The following MEMO1 variants were observed in gnomAD, a reference collection of about 807,000 sequenced individuals.
MEMO1 encodes mediator of cell motility 1.
In MEMO1, 6 loss-of-function variants were observed where a neutral mutation model predicts 45.2. The observed-to-expected ratio is 0.13, with a 90% confidence interval of 0.07 to 0.26. The LOEUF (loss-of-function observed/expected upper bound fraction) is 0.26. Ranked by LOEUF, MEMO1 falls within the 10% of genes least tolerant of loss-of-function variation. The pLI is 1.00. For synonymous variants in MEMO1, 78 were observed against 124.3 expected (o/e 0.63, Z 2.48); for missense variants, 184 against 370.5 (o/e 0.50, Z 4.13).
intron 4 of MEMO1, among the ~76,000 whole-genome samples, chr2:31,930,658 T>A (rs7600278): frequency 0.98 from 149,354 of 151,792 alleles, 73,491 homozygotes; most frequent in East Asian, 1. Flanking sequence ...ATATATATAT[T>A]TTTTTTGAAA....
Position 31,895,837 on chromosome 2 carries a change from CTTT to C in MEMO1, c.438-3706_438-3704del, listed in dbSNP as rs71412853. ...TGAAAACAAAACACAAGAAAAAAATCTTTTTTTTTTTTTTTTTTTTTTTTTGAG... is the reference window on the plus strand; with the variant it reads ...TGAAAACAAAACACAAGAAAAAAATCTTTTTTTTTTTTTTTTTTTTTTGAG... On this transcript the variant is annotated intron_variant, in intron 6 of 9. Coordinates refer to ENST00000404530, the MANE Select transcript of MEMO1 (RefSeq NM_001301833.4). Among the ~76,000 whole-genome samples the C allele has an allele frequency of 1.8e-3, 156 of 84,698 alleles. 1 individual carries two copies. The South Asian group carries it at 0.039, about 21-fold the overall frequency. 55.6% of individuals were successfully genotyped at this position (84,698 alleles called of 152,430 possible).
intron 2 of MEMO1, among the ~76,000 whole-genome samples, chr2:31,980,514 T>C (rs932495022): frequency 3.3e-5 from 5 of 152,168 alleles, no homozygotes; most frequent in African/African-American, 1.2e-4. Context: ...CATTATAACA[T>C]TTTTAAATGC....
intron 6 of MEMO1, among the ~76,000 whole-genome samples, chr2:31,916,334 T>C (rs1032508571): frequency 1.3e-4 from 19 of 151,970 alleles, no homozygotes; most frequent in Non-Finnish European, 2.6e-4. Flanking sequence ...GCTCAAGCAA[T>C]CATCCCACCC....
chr2:31,889,532 A>G (rs1306944364), intron 7 of MEMO1, among the ~76,000 whole-genome samples: 1 of 152,116 alleles, frequency 6.6e-6, no homozygotes, highest in Non-Finnish European at 1.5e-5. Flanking sequence ...CGCCACTACA[A>G]TATGAATGTG....
chr2:31,899,420 A>C (rs1208230952), intron 6 of MEMO1, among the ~76,000 whole-genome samples: 2 of 152,218 alleles, frequency 1.3e-5, no homozygotes, highest in African/African-American at 4.8e-5. Context: ...ACCTGACAAA[A>C]ACAAGCAATG....
At chr2:31,993,993 C>T (rs1290483223) in intron 2 of MEMO1, among the ~76,000 whole-genome samples, 5 of 103,018 alleles carry the variant, frequency 4.9e-5, no homozygotes, top group Non-Finnish European at 7.0e-5. Context: ...CAGAGTCTTG[C>T]TCTGTCGCCC....
intron 2 of MEMO1, among the ~76,000 whole-genome samples, chr2:31,978,984 T>C (rs2148492660): frequency 6.6e-6 from 1 of 152,284 alleles, no homozygotes; most frequent in East Asian, 1.9e-4. Context: ...AAAGTCTTGA[T>C]GTATTTCACA....
chr2:31,939,518 CAACTT>C (rs1665363627), intron 3 of MEMO1, among the ~76,000 whole-genome samples: 1 of 152,100 alleles, frequency 6.6e-6, no homozygotes, highest in Non-Finnish European at 1.5e-5. Context: ...ATACTAAACT[CAACTT>C]AATTATATGT....
intron 2 of MEMO1, among the ~76,000 whole-genome samples, chr2:31,952,401 T>C (rs986902545): frequency 1.3e-5 from 2 of 152,208 alleles, no homozygotes; most frequent in African/African-American, 4.8e-5. Flanking sequence ...TACTTTTCTG[T>C]CCGTTCATAT....
At chr2:31,956,657 C>T (rs1486640430) in intron 2 of MEMO1, among the ~76,000 whole-genome samples, 1 of 152,078 alleles carries the variant, frequency 6.6e-6, no homozygotes, top group Non-Finnish European at 1.5e-5. Context: ...ACTCATAAAC[C>T]AGAATATTAA....
At chr2:31,966,764 GATAAA>G (rs1668672867) in intron 2 of MEMO1, among the ~76,000 whole-genome samples, 2 of 140,476 alleles carry the variant, frequency 1.4e-5, no homozygotes, top group South Asian at 2.3e-4. Context: ...TAAAAAGGGA[GATAAA>G]ATAAAATCTT....
intron 2 of MEMO1, among the ~76,000 whole-genome samples, chr2:31,974,432 A>G (rs983561685): frequency 2.0e-5 from 3 of 152,140 alleles, no homozygotes; most frequent in African/African-American, 7.2e-5. Flanking sequence ...CAATGACTCA[A>G]ATTTGCTTCT....
chr2:31,905,670 T>C (rs1224432237), intron 6 of MEMO1, among the ~76,000 whole-genome samples: 1 of 152,238 alleles, frequency 6.6e-6, no homozygotes, highest in Admixed American at 6.5e-5. Flanking sequence ...CTTACACTCT[T>C]TTCTGGCTTT....
intron 7 of MEMO1, among the ~76,000 whole-genome samples, chr2:31,891,503 G>GGA (rs1676973997): frequency 6.6e-6 from 1 of 151,834 alleles, no homozygotes; most frequent in Non-Finnish European, 1.5e-5. Context: ...TATAATCTTT[G>GGA]GAGGGTAGCT....
chr2:31,931,505 C>T (rs1305922380), intron 4 of MEMO1, among the ~76,000 whole-genome samples: 1 of 151,744 alleles, frequency 6.6e-6, no homozygotes, highest in Non-Finnish European at 1.5e-5. Context: ...TCACAAGTTT[C>T]TTACAGAGTA....
At chr2:31,872,856 T>C (rs1454389948) in intron 8 of MEMO1, among the ~76,000 whole-genome samples, 1 of 152,172 alleles carries the variant, frequency 6.6e-6, no homozygotes, top group Non-Finnish European at 1.5e-5. Flanking sequence ...TTCTCATAAG[T>C]GAACCTCTCT....
At chr2:31,919,767 G>C (rs1572681129) in intron 5 of MEMO1, among the ~76,000 whole-genome samples, 1 of 152,110 alleles carries the variant, frequency 6.6e-6, no homozygotes, top group East Asian at 1.9e-4. Flanking sequence ...AGGCTGCAGT[G>C]AACTATAATC....
intron 2 of MEMO1, among the ~76,000 whole-genome samples, chr2:31,997,255 T>C (rs779526513): frequency 6.6e-6 from 1 of 152,134 alleles, no homozygotes; most frequent in Non-Finnish European, 1.5e-5. Context: ...AGGTACATGA[T>C]AACAGCAGTA....
chr2:32,007,378 A>G (rs1176534922), intron 2 of MEMO1, among the ~76,000 whole-genome samples: 1 of 152,202 alleles, frequency 6.6e-6, no homozygotes, highest in East Asian at 1.9e-4. Context: ...AACTTACTTG[A>G]TATTTATTTG....
Sources: gnomAD v4.1 joint callset for allele counts (sites outside exome capture counted in the v4.1 genomes callset) on GRCh38, gnomAD v4.1.1 for gene constraint, MANE v1.5 for transcripts, NCBI Gene and HGNC (gene_info 2026-07-23, HGNC 2026-07-21) for gene names.